Variants in CHM observed in about 807,000 individuals in gnomAD.
The protein encoded by CHM is CHM Rab escort protein, also known as rab proteins geranylgeranyltransferase component A 1.
In CHM, 10 loss-of-function variants were observed where a neutral mutation model predicts 49.0. That is an observed-to-expected ratio of 0.20 (90% confidence interval 0.13 to 0.35). The LOEUF (loss-of-function observed/expected upper bound fraction) is 0.35, where lower values mean the gene tolerates loss of function less well. Ranked by LOEUF, CHM falls within the 10% of genes least tolerant of loss-of-function variation. The pLI is 1.00. For missense variants in CHM, 455 were observed against 478.4 expected (o/e 0.95, Z 0.46); for synonymous variants, 184 against 167.5 (o/e 1.10, Z -0.76).
intron 4 of CHM, among the ~76,000 whole-genome samples, chrX:85,972,718 C>T (rs779962753): frequency 8.9e-6 from 1 of 112,421 alleles, no homozygotes; most frequent in Admixed American, 9.3e-5. Context: ...ACGCGCAGCC[C>T]CAGTTCCCGC....
chrX:85,923,134 T>C (rs778156933), intron 8 of CHM, among the ~76,000 whole-genome samples: 9 of 112,159 alleles, frequency 8.0e-5, no homozygotes, highest in Admixed American at 9.4e-5. Context: ...TCAGACTGCC[T>C]AGGTTCCTTT....
chrX:86,010,785 C>T (rs759247087), intron 2 of CHM, among the ~76,000 whole-genome samples: 1 of 111,521 alleles, frequency 9.0e-6, no homozygotes, highest in Non-Finnish European at 1.9e-5. Flanking sequence ...TAGAGTAATA[C>T]AAATCATCAA....
Position 85,863,718 on chromosome X carries a change from T to G in CHM, c.*912A>C, listed in dbSNP as rs1412531343. ...TGGGAAAATTCTAAAACAATTTTCT[T>G]CTGGCAAACCGATTCTAAACATGGC... On this transcript the variant is annotated 3_prime_UTR_variant, in exon 15 of 15. Coordinates refer to ENST00000357749, the MANE Select transcript of CHM (RefSeq NM_000390.4). 8.9e-6 allele frequency: 1 copy of G among 112,235 alleles called. No individual in the cohort carries two copies. The highest frequency in any genetic ancestry group is 1.9e-5 in the Non-Finnish European group (1 of 53,262). The allele number at this position is 112,235 out of a possible 1,213,427, so 9.2% of individuals were successfully genotyped here. A position where few individuals can be genotyped will look rare whatever the true frequency, so the allele number is the denominator to read the frequency against.
At chrX:86,003,188 C>A (rs755484227) in intron 2 of CHM, among the ~76,000 whole-genome samples, 10 of 112,179 alleles carry the variant, frequency 8.9e-5, no homozygotes, top group African/African-American at 2.9e-4. Flanking sequence ...AGAAGGAAAA[C>A]TGACAAACAG....
chrX:85,991,629 C>T (rs1314397369), intron 2 of CHM, among the ~76,000 whole-genome samples: 1 of 111,163 alleles, frequency 9.0e-6, no homozygotes, highest in Non-Finnish European at 1.9e-5. Flanking sequence ...ACAACACCAA[C>T]AAAAAAAGAT....
intron 1 of CHM, among the ~76,000 whole-genome samples, chrX:86,036,955 A>G (rs1198287171): frequency 9.0e-6 from 1 of 111,183 alleles, no homozygotes; most frequent in African/African-American, 3.3e-5. Context: ...TTTCCATTGT[A>G]AAAAGCTTAA....
intron 4 of CHM, among the ~76,000 whole-genome samples, chrX:85,972,871 G>A (rs745538773): frequency 1.3e-3 from 150 of 112,568 alleles, no homozygotes; most frequent in African/African-American, 4.6e-3. Flanking sequence ...CAGAGGAGGC[G>A]CCGAGAGCAA....
rs776463021 is a variant in CHM at position 85,883,112 on chromosome X, T to C, written c.1511-4049A>G. On this transcript the variant is annotated intron_variant, in intron 12 of 14. Transcript: ENST00000357749. Reference sequence around the variant, plus strand: ...AATGTGAATGTAAAACCTAAGTAAATGCTTGCTGTAAAAGGTAGGAAATCT... The same window carrying C: ...AATGTGAATGTAAAACCTAAGTAAACGCTTGCTGTAAAAGGTAGGAAATCT... 2.7e-5 allele frequency among the ~76,000 whole-genome samples: 3 copies of C among 111,668 alleles called. No individual in the cohort carries two copies. In the Admixed American group the frequency reaches 2.9e-4, roughly 11 times the overall value.
chrX:85,903,337 T>G (rs1926393426), intron 9 of CHM, among the ~76,000 whole-genome samples: 1 of 111,045 alleles, frequency 9.0e-6, no homozygotes, highest in African/African-American at 3.3e-5. Context: ...ATCTCAGACC[T>G]GAGTGTAAGT....
chrX:85,880,827 G>T (rs1924715660), intron 12 of CHM, among the ~76,000 whole-genome samples: 1 of 111,173 alleles, frequency 9.0e-6, no homozygotes, highest in Non-Finnish European at 1.9e-5. Context: ...ATTGTTAATT[G>T]ATCTATTAAT....
intron 12 of CHM, among the ~76,000 whole-genome samples, chrX:85,890,656 T>G (rs1925382943): frequency 8.9e-6 from 1 of 112,320 alleles, no homozygotes; most frequent in African/African-American, 3.2e-5. Context: ...CCTCAGCCTA[T>G]GGAACTGTAA....
chrX:85,996,918 C>T (rs1470194119), intron 2 of CHM, among the ~76,000 whole-genome samples: 2 of 111,517 alleles, frequency 1.8e-5, no homozygotes, highest in Non-Finnish European at 3.8e-5. Context: ...GGATGCAACC[C>T]TTTTGTCTTT....
chrX:85,899,126 G>A (rs1247025229), intron 11 of CHM, among the ~76,000 whole-genome samples: 2 of 111,737 alleles, frequency 1.8e-5, no homozygotes, highest in Non-Finnish European at 3.8e-5. Flanking sequence ...TGAAAGTCAC[G>A]CCTACTGAGT....
At chrX:85,968,071 T>C (rs768060489) in intron 4 of CHM, among the ~76,000 whole-genome samples, 1 of 111,897 alleles carries the variant, frequency 8.9e-6, no homozygotes, top group Non-Finnish European at 1.9e-5. Context: ...TTTACTTTGA[T>C]GTTTATACTT....
At chrX:85,967,333 T>C (rs937880087) in intron 4 of CHM, among the ~76,000 whole-genome samples, 1 of 112,295 alleles carries the variant, frequency 8.9e-6, no homozygotes, top group South Asian at 3.7e-4. Context: ...AATAGTTCAA[T>C]TCTACTAATT....
chrX:85,902,194 A>T (rs1421244375), intron 9 of CHM, among the ~76,000 whole-genome samples: 1 of 111,795 alleles, frequency 8.9e-6, no homozygotes, highest in South Asian at 3.7e-4. Context: ...GTTGCCCCTC[A>T]TAAGATGCAA....
Position 85,901,141 on chromosome X carries a change from T to A in CHM, c.1292A>T (p.His431Leu). ...DQFGQRIISE[H>L]FLVEDSYFPE... Reference sequence around the variant, plus strand: ...AAAGTAACTGTCCTCCACGAGGAAATGCTCAGAGATTATTCTCTGACCAAA... The same window carrying A: ...AAAGTAACTGTCCTCCACGAGGAAAAGCTCAGAGATTATTCTCTGACCAAA... Residue 431 changes from histidine to leucine, a missense_variant, in exon 10 of 15, where the codon CAT becomes CTT. By Grantham distance (99) the His-to-Leu change is moderately conservative (BLOSUM62 -3). Coordinates refer to ENST00000357749, the MANE Select transcript of CHM (RefSeq NM_000390.4). 1 of 1,202,895 alleles carries A rather than the reference T, an allele frequency of 8.3e-7. No individual in the cohort carries two copies. Among genetic ancestry groups the A allele is most frequent in the Non-Finnish European group, 1.1e-6 (1 of 890,096 alleles).
chrX:86,028,373 A>G (rs1161027342), intron 1 of CHM, among the ~76,000 whole-genome samples: 1 of 111,944 alleles, frequency 8.9e-6, no homozygotes, highest in Non-Finnish European at 1.9e-5. Context: ...TATAACTCCG[A>G]AGCCACAATG....
At chrX:86,036,974 G>A (rs778857954) in intron 1 of CHM, among the ~76,000 whole-genome samples, 62 of 111,256 alleles carry the variant, frequency 5.6e-4, no homozygotes, top group African/African-American at 2.0e-3. Context: ...AAAAATGGAC[G>A]TAGCATCCTG....
Sources: gnomAD v4.1 joint callset for allele counts (sites outside exome capture counted in the v4.1 genomes callset) on GRCh38, gnomAD v4.1.1 for gene constraint, MANE v1.5 for transcripts, NCBI Gene and HGNC (gene_info 2026-07-23, HGNC 2026-07-21) for gene names.